SDK2: variants seen among roughly 807,000 people sequenced by gnomAD.
SDK2 encodes protein sidekick-2.
In SDK2, 105 loss-of-function variants were observed where a neutral mutation model predicts 253.9. The ratio of observed to expected loss-of-function variants is 0.41; its 90% CI spans 0.35 to 0.49. The LOEUF (loss-of-function observed/expected upper bound fraction) is 0.49. Ranked by LOEUF, SDK2 falls within the 20% of genes least tolerant of loss-of-function variation. SDK2 has a pLI of 0.06. For missense variants in SDK2, 2,608 were observed against 3,003.0 expected, an observed-to-expected ratio of 0.87 and a Z score of 3.07; for synonymous variants, 1,249 against 1,234.9, an observed-to-expected ratio of 1.01 and a Z score of -0.24.
chr17:73,431,859 C>T lies in SDK2; in HGVS notation c.1313-190G>A, dbSNP rs552818844. On this transcript the variant is annotated intron_variant, in intron 10 of 44. Transcript: ENST00000392650. The surrounding 1 kb of genome is among the most constrained non-coding windows in gnomAD (Gnocchi z 5.6). ...CCTGGAGAGCTTTCTGGCTTAGGGA[C>T]GGACACGAGGGCACAGGGTCTCAGA... Among the ~76,000 whole-genome samples the T allele has an allele frequency of 4.0e-4, 61 of 152,212 alleles. No homozygotes were observed. Among genetic ancestry groups the T allele is most frequent in the South Asian group, 1.7e-3 (8 of 4,822 alleles).
intron 40 of SDK2, among the ~76,000 whole-genome samples, chr17:73,354,616 G>A (rs907180431): frequency 6.6e-6 from 1 of 152,178 alleles, no homozygotes; most frequent in Non-Finnish European, 1.5e-5. Flanking sequence ...GTAGAAGGAC[G>A]TCAGTGAGGC....
At chr17:73,494,665 G>A (rs574262405) in intron 2 of SDK2, among the ~76,000 whole-genome samples, 4 of 152,290 alleles carry the variant, frequency 2.6e-5, no homozygotes, top group Non-Finnish European at 4.4e-5. Context: ...TGTGCCTCTC[G>A]CTGCCCAGCA....
At position 73,401,850 on chromosome 17, in the gene SDK2, G is replaced by A. The variant is rs2063029684; in HGVS notation, c.2680+96C>T. The A allele has an allele frequency of 2.1e-6, 3 of 1,402,748 alleles. No individual in the cohort carries two copies. The East Asian group carries it at 7.4e-5, about 35-fold the overall frequency. The allele number at this position is 1,402,748 out of a possible 1,614,324, so 86.9% of individuals were successfully genotyped here. ...CCTGTGGTAATCTGGGGGTATCTCA[G>A]CCTGGGAGACAAGCCTGGGCCACCC... On this transcript the variant is annotated intron_variant, in intron 19 of 44. Coordinates refer to ENST00000392650, the MANE Select transcript of SDK2 (RefSeq NM_001144952.2).
intron 1 of SDK2, among the ~76,000 whole-genome samples, chr17:73,565,811 T>C (rs998348362): frequency 6.6e-6 from 1 of 152,158 alleles, no homozygotes; most frequent in Non-Finnish European, 1.5e-5. Flanking sequence ...TTGTTTTTTC[T>C]TTTTTTGGTT....
At chr17:73,640,592 T>C (rs928952516) in intron 1 of SDK2, among the ~76,000 whole-genome samples, 2 of 152,200 alleles carry the variant, frequency 1.3e-5, no homozygotes, top group Non-Finnish European at 2.9e-5. Flanking sequence ...CCCTGATCAA[T>C]AAGTTATTTT....
At chr17:73,568,142 T>C (rs2045334413) in intron 1 of SDK2, among the ~76,000 whole-genome samples, 1 of 152,198 alleles carries the variant, frequency 6.6e-6, no homozygotes, top group African/African-American at 2.4e-5. Context: ...GGGAGGCAGA[T>C]CCCTTGGTGC....
At chr17:73,599,057 A>G (rs898119480) in intron 1 of SDK2, among the ~76,000 whole-genome samples, 5 of 152,140 alleles carry the variant, frequency 3.3e-5, no homozygotes, top group African/African-American at 1.2e-4. Context: ...CCCCCTAGAA[A>G]GAGTTACCCC....
Position 73,361,949 on chromosome 17 carries a change from G to A in SDK2, c.5306-104C>T. The A allele has an allele frequency of 8.8e-7, 1 of 1,139,574 alleles. No individual in the cohort carries two copies. The highest frequency in any genetic ancestry group is 2.6e-5 in the East Asian group (1 of 38,358). 70.6% of individuals were successfully genotyped at this position (1,139,574 alleles called of 1,614,324 possible). A position where few individuals can be genotyped will look rare whatever the true frequency, so the allele number is the denominator to read the frequency against. ...CGTGGCCTGGGCCCCGGGACCCTGG[G>A]TAGGGGCCTCACTCCTTGAGGTCAG... On this transcript the variant is annotated intron_variant, in intron 38 of 44. Transcript: ENST00000392650. The surrounding 1 kb of genome is among the most constrained non-coding windows in gnomAD (Gnocchi z 4.1).
chr17:73,357,131 T>C (rs919188257), intron 40 of SDK2, among the ~76,000 whole-genome samples: 6 of 152,240 alleles, frequency 3.9e-5, no homozygotes, highest in Non-Finnish European at 8.8e-5. Context: ...GTATTCGCTA[T>C]ATGCAACTGC....
intron 32 of SDK2, 119 bp from the exon 33 acceptor site, chr17:73,384,130 A>G: frequency 1.7e-6 from 2 of 1,153,676 alleles, no homozygotes; most frequent in East Asian, 2.6e-5. Context: ...CCAGGAAAAG[A>G]AATCAAGATA....
At chr17:73,604,065 G>A (rs916563884) in intron 1 of SDK2, among the ~76,000 whole-genome samples, 3 of 152,276 alleles carry the variant, frequency 2.0e-5, no homozygotes, top group Non-Finnish European at 2.9e-5. Context: ...AGATTGCCAC[G>A]CGGAGGGAAC....
chr17:73,401,259 T>G, intron 20 of SDK2, 48 bp from the exon 21 acceptor site: 1 of 1,487,290 alleles, frequency 6.7e-7, no homozygotes, highest in South Asian at 1.3e-5. Flanking sequence ...GATCACAAGT[T>G]GGCCTGACCC....
rs1417485844 is a variant in SDK2, at chr17:73,395,106, A to G, written c.3592+49T>C. On this transcript the variant is annotated intron_variant, in intron 25 of 44. Coordinates refer to ENST00000392650, the MANE Select transcript of SDK2 (RefSeq NM_001144952.2). The surrounding 1 kb of genome is among the most constrained non-coding windows in gnomAD (Gnocchi z 4.3). Reference sequence around the variant, plus strand: ...CTTGGATGACCCTGAGGGCATAGAGACCAAGGAGGGGACAGGCAGCAGGGT... The same window carrying G: ...CTTGGATGACCCTGAGGGCATAGAGGCCAAGGAGGGGACAGGCAGCAGGGT... 3 of 1,461,842 alleles carry G rather than the reference A, an allele frequency of 2.1e-6. No individual in the cohort carries two copies. Among genetic ancestry groups the G allele is most frequent in the Non-Finnish European group, 2.8e-6 (3 of 1,075,462 alleles). The allele number at this position is 1,461,842 out of a possible 1,614,324, so 90.6% of individuals were successfully genotyped here.
At chr17:73,620,864 T>A (rs1198355314) in intron 1 of SDK2, among the ~76,000 whole-genome samples, 1 of 151,630 alleles carries the variant, frequency 6.6e-6, no homozygotes, top group Admixed American at 6.6e-5. Flanking sequence ...TGGAAAGGAG[T>A]GGGGAGCAAC....
rs964165037 is a variant in SDK2, at chr17:73,447,347, G to A, written c.613+268C>T. Among the ~76,000 whole-genome samples the A allele has an allele frequency of 1.3e-5, 2 of 151,996 alleles. No individual in the cohort carries two copies. The highest frequency in any genetic ancestry group is 2.9e-5 in the Non-Finnish European group (2 of 68,006). ...CCCTCCCTGGGTCCCTGGTAGCCCTGCTAACAGTTGTGCTAAGCATCCTCT... is the reference window on the plus strand; with the variant it reads ...CCCTCCCTGGGTCCCTGGTAGCCCTACTAACAGTTGTGCTAAGCATCCTCT... On this transcript the variant is annotated intron_variant, in intron 5 of 44. Coordinates refer to ENST00000392650, the MANE Select transcript of SDK2 (RefSeq NM_001144952.2). The surrounding 1 kb of genome is among the most constrained non-coding windows in gnomAD (Gnocchi z 4.0).
chr17:73,412,020 G>GTA (rs1311543823), intron 18 of SDK2, among the ~76,000 whole-genome samples: 2 of 49,644 alleles, frequency 4.0e-5, no homozygotes, highest in African/African-American at 2.0e-4. Context: ...GTAGATATAC[G>GTA]TATATGTATA....
chr17:73,594,788 A>G (rs1185057284), intron 1 of SDK2, among the ~76,000 whole-genome samples: 1 of 151,962 alleles, frequency 6.6e-6, no homozygotes, highest in Non-Finnish European at 1.5e-5. Context: ...TACAGCACAT[A>G]TCCACACACA....
rs756487634 is a variant in SDK2, at chr17:73,430,513, G to C, written c.1581C>G (p.Ile527Met). The C allele has an allele frequency of 6.2e-6, 10 of 1,604,744 alleles. No homozygotes were observed. Among genetic ancestry groups the C allele is most frequent in the African/African-American group, 1.3e-5 (1 of 74,732 alleles). The change falls in exon 12 of 45, where the codon ATC (isoleucine) becomes ATG (methionine). Residue 527 changes from isoleucine to methionine, a missense_variant and splice_region_variant. Ile to Met is a conservative substitution (Grantham distance 10, BLOSUM62 1). Transcript: ENST00000392650. ...CGVTHDPRVT[I>M]RYIWEKDGAT... ...GGAGTCAACAGCAGAGCCAGTACCT[G>C]ATGGTTACTCGGGGGTCGTGGGTCA... is the stretch of plus-strand genomic sequence containing the variant.
intron 38 of SDK2, among the ~76,000 whole-genome samples, chr17:73,363,618 G>A (rs1257709723): frequency 6.6e-6 from 1 of 152,138 alleles, no homozygotes; most frequent in Admixed American, 6.5e-5. Context: ...CTGTCCAGGC[G>A]GGGCCTTGTC....
Sources: gnomAD v4.1 joint callset for allele counts (sites outside exome capture counted in the v4.1 genomes callset) on GRCh38, gnomAD v4.1.1 for gene constraint, Gnocchi (gnomAD v3.1) non-coding constraint, MANE v1.5 for transcripts, NCBI Gene and HGNC (gene_info 2026-07-23, HGNC 2026-07-21) for gene names.